The following CNTNAP2 variants were observed in gnomAD, a reference collection of about 807,000 sequenced individuals.
CNTNAP2 encodes the protein contactin-associated protein-like 2.
CNTNAP2 carries 98 observed loss-of-function variants against 155.2 expected under a neutral mutation model. The ratio of observed to expected loss-of-function variants is 0.63; its 90% CI spans 0.54 to 0.75. The LOEUF (loss-of-function observed/expected upper bound fraction) is 0.75, where lower values mean the gene tolerates loss of function less well. Ranked by LOEUF, CNTNAP2 falls within the 30% of genes least tolerant of loss-of-function variation. CNTNAP2 has a pLI of 0.00. For missense variants in CNTNAP2, 1,727 were observed against 1,688.1 expected (o/e 1.02, Z -0.40); for synonymous variants, 651 against 631.2 (o/e 1.03, Z -0.47).
At chr7:146,965,164 C>G (rs1331118284) in intron 3 of CNTNAP2, among the ~76,000 whole-genome samples, 1 of 152,124 alleles carries the variant, frequency 6.6e-6, no homozygotes, top group East Asian at 1.9e-4. Context: ...GGGGTGCAAT[C>G]ATTTAAAACT....
At chr7:146,725,443 T>C (rs73740821) in intron 1 of CNTNAP2, among the ~76,000 whole-genome samples, 1,532 of 152,156 alleles carry the variant, frequency 0.01, 31 homozygotes, top group African/African-American at 0.035. Flanking sequence ...TTTGGGGAAA[T>C]ATTTAGTTTA....
intron 23 of CNTNAP2, among the ~76,000 whole-genome samples, chr7:148,413,447 T>TATATATATATATA (rs1563079560): frequency 8.6e-6 from 1 of 116,146 alleles, no homozygotes; most frequent in African/African-American, 3.5e-5. Flanking sequence ...TATATATATA[T>TATATATATATATA]TGCTCCATAG....
intron 22 of CNTNAP2, among the ~76,000 whole-genome samples, chr7:148,402,049 G>A (rs1360010977): frequency 6.6e-6 from 1 of 152,220 alleles, no homozygotes; most frequent in African/African-American, 2.4e-5. Flanking sequence ...GAAAGAGGGA[G>A]TACAATGGAA....
intron 13 of CNTNAP2, among the ~76,000 whole-genome samples, chr7:147,781,387 C>T (rs1180924655): frequency 3.3e-5 from 5 of 152,188 alleles, no homozygotes; most frequent in Non-Finnish European, 5.9e-5. Flanking sequence ...GCTTACACTG[C>T]TCACCCTTGA....
chr7:146,493,197 A>C (rs1797165279), intron 1 of CNTNAP2, among the ~76,000 whole-genome samples: 1 of 152,194 alleles, frequency 6.6e-6, no homozygotes, highest in Non-Finnish European at 1.5e-5. Context: ...GTATTAAGTC[A>C]AAATTGATTT....
intron 10 of CNTNAP2, among the ~76,000 whole-genome samples, chr7:147,419,638 T>G (rs79503839): frequency 6.6e-6 from 1 of 152,188 alleles, no homozygotes; most frequent in Non-Finnish European, 1.5e-5. Context: ...GCTTCCAGTT[T>G]CTTGGAAGCT....
intron 13 of CNTNAP2, among the ~76,000 whole-genome samples, chr7:147,726,231 T>C (rs1196373813): frequency 6.6e-6 from 1 of 151,980 alleles, no homozygotes; most frequent in Non-Finnish European, 1.5e-5. Context: ...TAAAAATTTA[T>C]TGAGAGAGAT....
rs545398253 is a variant in CNTNAP2 at position 147,945,795 on chromosome 7, T to C, written c.2256-32067T>C. ...ATTGACTTCTTTCACCTAGGTGCCTTGGTTGCACTCCCTGGAAACCATTCT... is the reference window on the plus strand; with the variant it reads ...ATTGACTTCTTTCACCTAGGTGCCTCGGTTGCACTCCCTGGAAACCATTCT... On this transcript the variant is annotated intron_variant, in intron 14 of 23. Transcript: ENST00000361727. Among the ~76,000 whole-genome samples the C allele has an allele frequency of 2.6e-5, 4 of 151,700 alleles. No homozygotes were observed. The South Asian group carries it at 8.4e-4, about 32-fold the overall frequency.
At chr7:146,576,291 G>A (rs1241639181) in intron 1 of CNTNAP2, among the ~76,000 whole-genome samples, 1 of 152,194 alleles carries the variant, frequency 6.6e-6, no homozygotes. Flanking sequence ...GTGCTTTCTA[G>A]AGGAAAGCTT....
At chr7:146,362,766 C>CTTTTTT (rs773124124) in intron 1 of CNTNAP2, among the ~76,000 whole-genome samples, 14 of 96,436 alleles carry the variant, frequency 1.5e-4, no homozygotes, top group African/African-American at 4.5e-4. Flanking sequence ...TCACACAGCA[C>CTTTTTT]TTTTTTTTTT....
At chr7:146,674,913 A>T (rs552813455) in intron 1 of CNTNAP2, among the ~76,000 whole-genome samples, 2 of 152,312 alleles carry the variant, frequency 1.3e-5, no homozygotes, top group Admixed American at 1.3e-4. Flanking sequence ...CTTTACAGGT[A>T]TAAGTTTCCT....
chr7:146,202,903 T>A (rs752080816), intron 1 of CNTNAP2, among the ~76,000 whole-genome samples: 2 of 152,210 alleles, frequency 1.3e-5, no homozygotes, highest in African/African-American at 2.4e-5. Context: ...TTTTTGTACT[T>A]CATACAATAA....
intron 3 of CNTNAP2, chr7:146,963,071 G>T (rs1797586668): frequency 6.6e-6 from 1 of 152,196 alleles, no homozygotes; most frequent in Non-Finnish European, 1.5e-5. Flanking sequence ...GTGGGACAGA[G>T]CCAGGACTAT....
Position 146,322,634 on chromosome 7 carries a change from C to CTTTTTTTTTTTTTTTTTT in CNTNAP2, c.97+205662_97+205679dup, listed in dbSNP as rs56287346. Among the ~76,000 whole-genome samples the CTTTTTTTTTTTTTTTTTT allele has an allele frequency of 1.2e-3, 80 of 64,958 alleles. 12 individuals carry two copies. The highest frequency in any genetic ancestry group is 2.2e-3 in the African/African-American group (39 of 18,020). The allele number at this position is 64,958 out of a possible 152,430, so 42.6% of individuals were successfully genotyped here. On this transcript the variant is annotated intron_variant, in intron 1 of 23. Coordinates refer to ENST00000361727, the MANE Select transcript of CNTNAP2 (RefSeq NM_014141.6). ...AAGAGGAGACTGTTGTGTTCATTCT[C>CTTTTTTTTTTTTTTTTTT]TTTTTTTTTTTTTTTTTTGCTGGCT...
rs184039413 is a variant in CNTNAP2, at chr7:147,461,016, A to G, written c.1671-24919A>G. The stretch of plus-strand genomic sequence containing the variant: ...GGTATATTTTGAGTTAACCTCAATC[A>G]TGACAAACCAGAATGATTTCCTAGA... On this transcript the variant is annotated intron_variant, in intron 10 of 23. Coordinates refer to ENST00000361727, the MANE Select transcript of CNTNAP2 (RefSeq NM_014141.6). Among the ~76,000 whole-genome samples, 224 of 152,356 alleles carry G rather than the reference A, an allele frequency of 1.5e-3. 3 individuals carry two copies. Among genetic ancestry groups the G allele is most frequent in the Admixed American group, 0.015 (223 of 15,306 alleles).
chr7:147,280,344 A>G (rs1256408942), intron 8 of CNTNAP2, among the ~76,000 whole-genome samples: 1 of 151,904 alleles, frequency 6.6e-6, no homozygotes, highest in Non-Finnish European at 1.5e-5. Flanking sequence ...GAGGTCACAC[A>G]TCCTCCAGCA....
At chr7:146,654,752 C>A (rs1038309190) in intron 1 of CNTNAP2, among the ~76,000 whole-genome samples, 9 of 151,866 alleles carry the variant, frequency 5.9e-5, no homozygotes, top group African/African-American at 2.2e-4. Flanking sequence ...GTTATAGAAA[C>A]AGTTATTTTA....
rs535772917 is a variant in CNTNAP2, at chr7:146,969,328, C to T, written c.403-74579C>T. ...GAGGTCTGTAGATGTCTATTAGGTC[C>T]GCTTGGTGCAGAGCTGAGTTCAATT... On this transcript the variant is annotated intron_variant, in intron 3 of 23. Coordinates refer to ENST00000361727, the MANE Select transcript of CNTNAP2 (RefSeq NM_014141.6). 5.3e-3 allele frequency among the ~76,000 whole-genome samples: 805 copies of T among 152,042 alleles called. 1 individual carries two copies. Among genetic ancestry groups the T allele is most frequent in the Admixed American group, 7.3e-3 (111 of 15,254 alleles).
At chr7:146,358,163 T>A (rs893496591) in intron 1 of CNTNAP2, among the ~76,000 whole-genome samples, 1 of 151,988 alleles carries the variant, frequency 6.6e-6, no homozygotes, top group Non-Finnish European at 1.5e-5. Context: ...GCCTCCCGAG[T>A]AGCTGGGAGT....
Sources: gnomAD v4.1 joint callset for allele counts (sites outside exome capture counted in the v4.1 genomes callset) on GRCh38, gnomAD v4.1.1 for gene constraint, MANE v1.5 for transcripts, NCBI Gene and HGNC (gene_info 2026-07-23, HGNC 2026-07-21) for gene names.